GDA: variants seen among roughly 807,000 people sequenced by gnomAD.
The protein encoded by GDA is guanine deaminase.
In GDA, 18 loss-of-function variants were observed where a neutral mutation model predicts 59.6. That is an observed-to-expected ratio of 0.30 (90% CI 0.21 to 0.45). The LOEUF is 0.45. GDA is among the 20% of genes least tolerant of loss of function. GDA has a pLI of 1.00. For synonymous variants in GDA, 201 were observed against 201.1 expected (o/e 1.00, Z 0.00); for missense variants, 427 against 552.3 (o/e 0.77, Z 2.27).
At chr9:72,235,244 G>T (rs1838838087) in intron 10 of GDA, among the ~76,000 whole-genome samples, 1 of 152,120 alleles carries the variant, frequency 6.6e-6, no homozygotes, top group Non-Finnish European at 1.5e-5. Context: ...TTTCCCTCAG[G>T]CTGGAAAGAG....
chr9:72,220,119 C>G (rs1836681253), intron 6 of GDA, among the ~76,000 whole-genome samples: 1 of 152,124 alleles, frequency 6.6e-6, no homozygotes. Flanking sequence ...GGAAGGAAAT[C>G]ATGCCATTTG....
chr9:72,252,567 C>G (rs957340037), downstream of GDA, among the ~76,000 whole-genome samples: 2 of 152,120 alleles, frequency 1.3e-5, no homozygotes, highest in Non-Finnish European at 2.9e-5. Context: ...GTATTTAAAA[C>G]AAAAGTTTCA....
rs537700472 is a variant in GDA, at chr9:72,210,841, CTT to C, written c.472+68_472+69del. 3.4e-4 allele frequency: 323 copies of C among 960,646 alleles called. 3 individuals are homozygous for C. In the Admixed American group the frequency reaches 5.6e-3, roughly 17 times the overall value. 59.5% of individuals were successfully genotyped at this position (960,646 alleles called of 1,614,324 possible). On this transcript the variant is annotated intron_variant, in intron 4 of 13. Transcript: ENST00000358399. ...ACAGCCAGACCATCGTGGCAAACAACTTATATGTACTTTTGGGCAGACCTGCC... is the reference window on the plus strand; with the variant it reads ...ACAGCCAGACCATCGTGGCAAACAACATATGTACTTTTGGGCAGACCTGCC...
chr9:72,236,567 A>G (rs1459503301), intron 10 of GDA, among the ~76,000 whole-genome samples: 1 of 152,042 alleles, frequency 6.6e-6, no homozygotes, highest in Non-Finnish European at 1.5e-5. Context: ...AACAACAACA[A>G]CAAAACCCTT....
intron 1 of GDA, among the ~76,000 whole-genome samples, chr9:72,136,438 C>T (rs1003238034): frequency 1.3e-5 from 2 of 152,186 alleles, no homozygotes; most frequent in Non-Finnish European, 2.9e-5. Flanking sequence ...CCTGTCATCT[C>T]ACACTTTATC....
intron 2 of GDA, among the ~76,000 whole-genome samples, chr9:72,200,224 C>T (rs991765461): frequency 1.3e-5 from 2 of 152,040 alleles, no homozygotes; most frequent in African/African-American, 4.8e-5. Flanking sequence ...TCTCGATCTC[C>T]TGACCTCGTG....
At chr9:72,119,482 G>A (rs993210485) in intron 1 of GDA, among the ~76,000 whole-genome samples, 1 of 152,168 alleles carries the variant, frequency 6.6e-6, no homozygotes, top group Non-Finnish European at 1.5e-5. Context: ...CTGGATGACA[G>A]AGTGAGACCC....
At chr9:72,158,021 A>G (rs1828131596) in intron 1 of GDA, among the ~76,000 whole-genome samples, 1 of 151,984 alleles carries the variant, frequency 6.6e-6, no homozygotes. Flanking sequence ...CCCCATTTCC[A>G]TTTTACTTCT....
chr9:72,142,791 G>A (rs142728076), intron 1 of GDA, among the ~76,000 whole-genome samples: 1,810 of 151,956 alleles, frequency 0.012, 36 homozygotes, highest in African/African-American at 0.041. Context: ...TTATTGAGAC[G>A]GAGTTTTGCT....
intron 8 of GDA, among the ~76,000 whole-genome samples, chr9:72,227,679 C>T (rs1283704649): frequency 6.6e-6 from 1 of 152,168 alleles, no homozygotes; most frequent in Non-Finnish European, 1.5e-5. Flanking sequence ...GGACCAAACC[C>T]TCATTACTTT....
intron 1 of GDA, among the ~76,000 whole-genome samples, chr9:72,153,697 G>C (rs1827522841): frequency 6.6e-6 from 1 of 151,178 alleles, no homozygotes; most frequent in Non-Finnish European, 1.5e-5. Context: ...GGATGAAATT[G>C]GAAACTGTCG....
At chr9:72,246,236 C>T (rs2131840463) in intron 12 of GDA, among the ~76,000 whole-genome samples, 1 of 152,288 alleles carries the variant, frequency 6.6e-6, no homozygotes, top group East Asian at 1.9e-4. Flanking sequence ...CAACCACTGC[C>T]TCCTGGGTTC....
intron 1 of GDA, among the ~76,000 whole-genome samples, chr9:72,160,848 T>C (rs1828532627): frequency 6.6e-6 from 1 of 152,156 alleles, no homozygotes; most frequent in Non-Finnish European, 1.5e-5. Context: ...CATGCTCCTT[T>C]TTCACCTTCC....
intron 1 of GDA, among the ~76,000 whole-genome samples, chr9:72,154,917 T>C (rs1342119084): frequency 6.6e-6 from 1 of 152,156 alleles, no homozygotes; most frequent in Non-Finnish European, 1.5e-5. Context: ...CGGAGATAAA[T>C]TGATGAACAA....
intron 1 of GDA, among the ~76,000 whole-genome samples, chr9:72,132,163 A>G (rs1826047842): frequency 6.6e-6 from 1 of 152,158 alleles, no homozygotes; most frequent in Non-Finnish European, 1.5e-5. Context: ...ATTCAAAATG[A>G]GATTTGGGTG....
intron 1 of GDA, among the ~76,000 whole-genome samples, chr9:72,142,469 A>G (rs1305486723): frequency 6.6e-6 from 1 of 151,632 alleles, no homozygotes; most frequent in Non-Finnish European, 1.5e-5. Context: ...GCTACTCGGG[A>G]GGCTGAGGCA....
At chr9:72,198,861 A>ATAT (rs1491123372) in intron 2 of GDA, among the ~76,000 whole-genome samples, 3 of 147,832 alleles carry the variant, frequency 2.0e-5, no homozygotes, top group African/African-American at 5.2e-5. Context: ...ATATATATAT[A>ATAT]AAATTTTTTT....
At chr9:72,128,267 C>T (rs995868126) in intron 1 of GDA, among the ~76,000 whole-genome samples, 37 of 152,118 alleles carry the variant, frequency 2.4e-4, no homozygotes, top group Admixed American at 6.5e-4. Context: ...TGTGTTTATT[C>T]GTTATTCTGT....
At chr9:72,235,822 G>GA (rs910245222) in intron 10 of GDA, among the ~76,000 whole-genome samples, 70 of 151,990 alleles carry the variant, frequency 4.6e-4, no homozygotes, top group African/African-American at 1.6e-3. Flanking sequence ...TGTGAAATAT[G>GA]AAAAAAACCA....
Sources: allele counts gnomAD v4.1 joint callset (sites outside exome capture counted in the v4.1 genomes callset), GRCh38; gene constraint gnomAD v4.1.1; transcripts MANE v1.5; gene names NCBI Gene and HGNC (gene_info 2026-07-23, HGNC 2026-07-21).